Variants in PCDH15 observed in about 807,000 individuals in gnomAD.
PCDH15 encodes protocadherin related 15.
In PCDH15, 129 loss-of-function variants were observed where a neutral mutation model predicts 178.5. That is an observed-to-expected ratio of 0.72 (90% CI 0.63 to 0.84). The LOEUF (loss-of-function observed/expected upper bound fraction) is 0.84. Ranked by LOEUF, PCDH15 falls within the 40% of genes least tolerant of loss-of-function variation. The probability of loss-of-function intolerance (pLI) is 0.00; values close to 1 mark genes in which losing one functional copy is unlikely to be tolerated. For synonymous variants in PCDH15, 800 were observed against 732.0 expected (o/e 1.09, Z -1.50); for missense variants, 2,230 against 2,099.9 (o/e 1.06, Z -1.21).
chr10:54,738,597 CAATAAT>C (rs539371551), intron 1 of PCDH15, among the ~76,000 whole-genome samples: 220 of 151,854 alleles, frequency 1.4e-3, no homozygotes, highest in African/African-American at 4.9e-3. Context: ...GACAAACATG[CAATAAT>C]AATAATAACT....
chr10:55,098,725 A>G (rs748735929), intron 2 of PCDH15, among the ~76,000 whole-genome samples: 2 of 152,074 alleles, frequency 1.3e-5, no homozygotes, highest in East Asian at 1.9e-4. Flanking sequence ...TGCGGGCTCT[A>G]TGTAAATCAG....
intron 1 of PCDH15, among the ~76,000 whole-genome samples, chr10:55,237,916 T>C (rs566872178): frequency 1.3e-5 from 2 of 152,030 alleles, no homozygotes; most frequent in Non-Finnish European, 2.9e-5. Context: ...ATGATCTTTT[T>C]TCTTGATGAA....
intron 3 of PCDH15, among the ~76,000 whole-genome samples, chr10:54,499,786 A>T (rs78914235): frequency 0.01 from 1,569 of 152,236 alleles, 24 homozygotes; most frequent in African/African-American, 0.036. Context: ...GATCAAACCA[A>T]CCTGAAAGCT....
At chr10:55,563,417 G>A (rs911997970) in intron 2 of PCDH15, among the ~76,000 whole-genome samples, 2 of 151,700 alleles carry the variant, frequency 1.3e-5, no homozygotes, top group African/African-American at 2.4e-5. Context: ...ACTAATAAAA[G>A]TCTTTAAGTT....
chr10:53,806,466 T>G lies in PCDH15; in HGVS notation c.*113A>C. The G allele has an allele frequency of 1.1e-6, 1 of 910,148 alleles. No homozygotes were observed. Among genetic ancestry groups the G allele is most frequent in the Non-Finnish European group, 1.6e-6 (1 of 616,194 alleles). The allele number at this position is 910,148 out of a possible 1,614,324, so 56.4% of individuals were successfully genotyped here. On this transcript the variant is annotated 3_prime_UTR_variant, in exon 38 of 38. Transcript: ENST00000644397. ...ATTTTAAAGCATATTGTTCAAAGTT[T>G]TAGCTTGTGTGCATGATATAAATTC...
At chr10:55,600,981 T>C (rs1007873114) in intron 2 of PCDH15, among the ~76,000 whole-genome samples, 12 of 152,164 alleles carry the variant, frequency 7.9e-5, no homozygotes, top group African/African-American at 2.9e-4. Context: ...CCCACCTCAC[T>C]TGAGGTCTGT....
chr10:53,831,583 C>T lies in PCDH15; in HGVS notation c.3984-50G>A, dbSNP rs775017893. The T allele has an allele frequency of 4.5e-6, 6 of 1,320,596 alleles. No homozygotes were observed. The Admixed American group carries it at 1.1e-4, about 25-fold the overall frequency. 81.8% of individuals were successfully genotyped at this position (1,320,596 alleles called of 1,614,324 possible). On this transcript the variant is annotated intron_variant, in intron 29 of 37. Transcript: ENST00000644397. The stretch of plus-strand genomic sequence containing the variant: ...ATTAATGATGCTAGCAGAGAAAGAG[C>T]ATTTTAAAAATAAAATCTTTTTGTA...
At chr10:55,407,352 T>C in intron 2 of PCDH15, among the ~76,000 whole-genome samples, 1 of 152,112 alleles carries the variant, frequency 6.6e-6, no homozygotes, top group Admixed American at 6.6e-5. Flanking sequence ...GTGACAGGGA[T>C]AAAAACTAGA....
intron 1 of PCDH15, among the ~76,000 whole-genome samples, chr10:55,228,243 A>C (rs190586512): frequency 1.7e-4 from 26 of 152,188 alleles, no homozygotes; most frequent in African/African-American, 6.0e-4. Flanking sequence ...CTTATTATGT[A>C]TATCTGCCTG....
At position 55,598,758 on chromosome 10, in the gene PCDH15, C is replaced by T. The variant is rs74920868; in HGVS notation, c.-156+28867G>A. On this transcript the variant is annotated intron_variant, in intron 2 of 5. Transcript: ENST00000613346. ...ATAAGGCAAGCACACAAGCCCGTCA[C>T]CCTCTTCAAGTAGTGCTCTAGAAAT... 8.8e-3 allele frequency among the ~76,000 whole-genome samples: 1,331 copies of T among 151,866 alleles called. 21 individuals carry two copies. The highest frequency in any genetic ancestry group is 0.047 in the East Asian group (241 of 5,132).
chr10:55,365,712 G>A (rs72805812), intron 2 of PCDH15, among the ~76,000 whole-genome samples: 13,537 of 151,992 alleles, frequency 0.089, 759 homozygotes, highest in South Asian at 0.13. Context: ...CTTGTTTGCC[G>A]CAATCTGAGA....
chr10:55,345,358 G>C (rs1452491923), intron 2 of PCDH15, among the ~76,000 whole-genome samples: 1 of 151,916 alleles, frequency 6.6e-6, no homozygotes, highest in Non-Finnish European at 1.5e-5. Flanking sequence ...CTCAGTGTTT[G>C]AGGATGCTAT....
At chr10:55,311,452 A>T (rs886215695) in intron 1 of PCDH15, among the ~76,000 whole-genome samples, 10 of 152,142 alleles carry the variant, frequency 6.6e-5, no homozygotes, top group Non-Finnish European at 1.5e-5. Context: ...TTATTTTTCT[A>T]TCTTCCCGCT....
intron 1 of PCDH15, among the ~76,000 whole-genome samples, chr10:54,723,137 T>A (rs151074179): frequency 6.6e-6 from 1 of 151,720 alleles, no homozygotes; most frequent in African/African-American, 2.4e-5. Context: ...ATTGTGTGAT[T>A]TCAAATTATA....
chr10:54,331,421 G>T (rs1939544373), intron 6 of PCDH15, among the ~76,000 whole-genome samples: 1 of 151,796 alleles, frequency 6.6e-6, no homozygotes, highest in African/African-American at 2.4e-5. Context: ...TCATTTAAAA[G>T]TAACAATTTA....
chr10:54,418,988 C>T lies in PCDH15; in HGVS notation c.158-40046G>A, dbSNP rs112137770. Among the ~76,000 whole-genome samples the T allele has an allele frequency of 8.0e-3, 1,217 of 151,654 alleles. 17 individuals carry two copies. Among genetic ancestry groups the T allele is most frequent in the African/African-American group, 0.028 (1,148 of 41,382 alleles). Reference sequence around the variant, plus strand: ...AGATAATTTACAAACACATAAAAACCAATATTAAAACTGTTTAATCTGTAA... The same window carrying T: ...AGATAATTTACAAACACATAAAAACTAATATTAAAACTGTTTAATCTGTAA... On this transcript the variant is annotated intron_variant, in intron 3 of 37. Transcript: ENST00000644397.
intron 18 of PCDH15, among the ~76,000 whole-genome samples, chr10:54,052,586 C>T (rs933782014): frequency 6.6e-6 from 1 of 152,122 alleles, no homozygotes; most frequent in Admixed American, 6.6e-5. Context: ...TTTAATTCTA[C>T]AGGCTATTAG....
chr10:54,747,541 T>A (rs537983427), intron 1 of PCDH15, among the ~76,000 whole-genome samples: 80 of 152,300 alleles, frequency 5.3e-4, no homozygotes, highest in African/African-American at 1.9e-3. Flanking sequence ...AGTTTTATAA[T>A]AGAGGAAAAT....
intron 2 of PCDH15, among the ~76,000 whole-genome samples, chr10:55,522,921 A>AT (rs1248693416): frequency 2.7e-5 from 4 of 150,748 alleles, no homozygotes; most frequent in Non-Finnish European, 4.4e-5. Context: ...TGATTTGTTG[A>AT]TTTTTTGTAG....
Sources: gnomAD v4.1 joint callset for allele counts (sites outside exome capture counted in the v4.1 genomes callset) on GRCh38, gnomAD v4.1.1 for gene constraint, MANE v1.5 for transcripts, NCBI Gene and HGNC (gene_info 2026-07-23, HGNC 2026-07-21) for gene names.